RARA: variants seen among roughly 807,000 people sequenced by gnomAD.
RARA encodes the protein PML-DDX5-RARA fusion.
In RARA, 5 loss-of-function variants were observed where a neutral mutation model predicts 42.8. That is an observed-to-expected ratio of 0.12 (90% CI 0.06 to 0.25). The LOEUF (loss-of-function observed/expected upper bound fraction) is 0.25, where lower values mean the gene tolerates loss of function less well. RARA is among the 10% of genes least tolerant of loss of function. The pLI, the probability that RARA is intolerant of heterozygous loss-of-function variation, is 1.00. For synonymous variants in RARA, 256 were observed against 259.5 expected (o/e 0.99, Z 0.13); for missense variants, 402 against 628.7 (o/e 0.64, Z 3.86).
Position 40,325,058 on chromosome 17 carries a change from C to T in RARA, c.-362-5799C>T, listed in dbSNP as rs573315337. 7.9e-5 allele frequency among the ~76,000 whole-genome samples: 12 copies of T among 152,164 alleles called. No homozygotes were observed. In the South Asian group the frequency reaches 2.5e-3, roughly 32 times the overall value. On this transcript the variant is annotated intron_variant, in intron 1 of 8. Coordinates refer to ENST00000254066, the MANE Select transcript of RARA (RefSeq NM_000964.4). ...ACCGTGTCAGGAGTTTGAGACCAGC[C>T]TGGTGAACATGGTGAAACCCCATCT... is the stretch of plus-strand genomic sequence containing the variant.
At chr17:40,327,309 C>A (rs991050078) in intron 1 of RARA, among the ~76,000 whole-genome samples, 1 of 152,224 alleles carries the variant, frequency 6.6e-6, no homozygotes, top group Non-Finnish European at 1.5e-5. Context: ...GGAGTGATGG[C>A]TTTCTGGGCC....
At chr17:40,324,026 A>T (rs1166424839) in intron 1 of RARA, among the ~76,000 whole-genome samples, 1 of 151,910 alleles carries the variant, frequency 6.6e-6, no homozygotes, top group African/African-American at 2.4e-5. Flanking sequence ...CCCTGCCTGT[A>T]TCTCTGTAAG....
rs938462875 is a variant in RARA at position 40,357,156 on chromosome 17, G to C, written c.*930G>C. 1 of 238,542 alleles carries C rather than the reference G, an allele frequency of 4.2e-6. No individual in the cohort carries two copies. The highest frequency in any genetic ancestry group is 2.2e-5 in the African/African-American group (1 of 45,340). The allele number at this position is 238,542 out of a possible 1,614,324, so 14.8% of individuals were successfully genotyped here. On this transcript the variant is annotated 3_prime_UTR_variant, in exon 9 of 9. Coordinates refer to ENST00000254066, the MANE Select transcript of RARA (RefSeq NM_000964.4). ...GAGCAGGGCAGAGCAAGGGCCCCGG[G>C]ACAGAGTTTTCCCAGACCTGGCTCC... is the stretch of plus-strand genomic sequence containing the variant.
intron 2 of RARA, among the ~76,000 whole-genome samples, chr17:40,337,275 A>C (rs1206795486): frequency 6.6e-6 from 1 of 152,146 alleles, no homozygotes; most frequent in Non-Finnish European, 1.5e-5. Context: ...TGGGTGTGGG[A>C]AGTGTGGGGG....
Position 40,315,890 on chromosome 17 carries a change from T to TA in RARA, c.-363+6605dup, listed in dbSNP as rs897794269. ...AGTAGGCCCCAAGGAGTGTCCTTCT[T>TA]AGAGTGAGGCGCCCCGAGCCTGTGG... is the stretch of plus-strand genomic sequence containing the variant. On this transcript the variant is annotated intron_variant, in intron 1 of 8. Coordinates refer to ENST00000254066, the MANE Select transcript of RARA (RefSeq NM_000964.4). 1.2e-4 allele frequency among the ~76,000 whole-genome samples: 18 copies of TA among 152,278 alleles called. No individual in the cohort carries two copies. The East Asian group carries it at 3.5e-3, about 29-fold the overall frequency.
At position 40,351,991 on chromosome 17, in the gene RARA, TG is replaced by T; in HGVS notation, c.556del (p.Glu186SerfsTer84). ...CSESYTLTPE[V>X]GELIEKVRKA... ...GAGAGCTACACGCTGACGCCGGAGG[TG>T]GGGGAGCTCATTGAGAAGGTGCGCA... On this transcript the variant is annotated frameshift_variant, in exon 5 of 9. Coordinates refer to ENST00000254066, the MANE Select transcript of RARA (RefSeq NM_000964.4). LOFTEE classifies it high-confidence loss of function. The surrounding 1 kb of genome is among the most constrained non-coding windows in gnomAD (Gnocchi z 4.1). 1 of 1,603,454 alleles carries T rather than the reference TG, an allele frequency of 6.2e-7. No homozygotes were observed. The highest frequency in any genetic ancestry group is 8.5e-7 in the Non-Finnish European group (1 of 1,176,790).
chr17:40,333,467 T>G (rs1337500973), intron 2 of RARA, among the ~76,000 whole-genome samples: 2 of 151,722 alleles, frequency 1.3e-5, no homozygotes, highest in African/African-American at 2.4e-5. Context: ...CGAGTAGCTG[T>G]GATTACAGGT....
chr17:40,356,328 T>A lies in RARA; in HGVS notation c.*102T>A. 2.4e-6 allele frequency: 3 copies of A among 1,267,618 alleles called. No individual in the cohort carries two copies. The highest frequency in any genetic ancestry group is 3.3e-6 in the Non-Finnish European group (3 of 898,772). The allele number at this position is 1,267,618 out of a possible 1,614,324, so 78.5% of individuals were successfully genotyped here. ...GCACCAGCCCTGCCCCCACCTGCCCTCCCGGGCAGTACTGGGGACCTTCCC... is the reference window on the plus strand; with the variant it reads ...GCACCAGCCCTGCCCCCACCTGCCCACCCGGGCAGTACTGGGGACCTTCCC... On this transcript the variant is annotated 3_prime_UTR_variant, in exon 9 of 9. Coordinates refer to ENST00000254066, the MANE Select transcript of RARA (RefSeq NM_000964.4).
At chr17:40,336,005 C>G (rs776607242) in intron 2 of RARA, among the ~76,000 whole-genome samples, 1 of 152,160 alleles carries the variant, frequency 6.6e-6, no homozygotes, top group Non-Finnish European at 1.5e-5. Context: ...GACCCTGTCT[C>G]AAAAACAACA....
chr17:40,319,920 G>T (rs747028371), intron 1 of RARA, among the ~76,000 whole-genome samples: 12 of 152,164 alleles, frequency 7.9e-5, no homozygotes, highest in Non-Finnish European at 1.6e-4. Context: ...ATAAGAGGGG[G>T]TGGTTGTGGA....
intron 2 of RARA, among the ~76,000 whole-genome samples, chr17:40,333,112 C>T (rs560055689): frequency 9.5e-4 from 145 of 152,046 alleles, no homozygotes; most frequent in African/African-American, 3.3e-3. Flanking sequence ...TGCAGTGGTG[C>T]GATCTCGGCT....
chr17:40,354,220 A>G lies in RARA; in HGVS notation c.808-82A>G, dbSNP rs1277708389. On this transcript the variant is annotated intron_variant, in intron 6 of 8. Coordinates refer to ENST00000254066, the MANE Select transcript of RARA (RefSeq NM_000964.4). This position sits in a 1 kb window ranked among gnomAD's most constrained non-coding sequence, Gnocchi z 4.5. ...GCCACCTGCCAGGTGGTCCTCCGGG[A>G]GTGCTGGTGCGGAGTGCTGGTGCCG... The G allele has an allele frequency of 1.5e-6, 2 of 1,336,952 alleles. No homozygotes were observed. The highest frequency in any genetic ancestry group is 4.8e-5 in the East Asian group (2 of 41,474). 82.8% of individuals were successfully genotyped at this position (1,336,952 alleles called of 1,614,324 possible). A position where few individuals can be genotyped will look rare whatever the true frequency, so the allele number is the denominator to read the frequency against.
At chr17:40,340,996 A>G in intron 2 of RARA, 1 of 400,378 alleles carries the variant, frequency 2.5e-6, no homozygotes, top group Non-Finnish European at 4.4e-6. Context: ...CAACATATAT[A>G]AAGAGCCAGG....
intron 2 of RARA, among the ~76,000 whole-genome samples, chr17:40,335,492 C>T (rs1268183922): frequency 6.6e-6 from 1 of 151,922 alleles, no homozygotes; most frequent in East Asian, 1.9e-4. Context: ...GAGTTTGAGA[C>T]CAGCCTGGCC....
At chr17:40,309,800 G>A (rs76584199) in intron 1 of RARA, among the ~76,000 whole-genome samples, 10,858 of 152,268 alleles carry the variant, frequency 0.071, 514 homozygotes, top group East Asian at 0.12. Context: ...ACACTTGGGT[G>A]GCTAAAGGCT....
intron 1 of RARA, among the ~76,000 whole-genome samples, chr17:40,316,493 G>A (rs909748816): frequency 2.0e-5 from 3 of 152,216 alleles, no homozygotes; most frequent in African/African-American, 7.2e-5. Flanking sequence ...GTCCCACTTG[G>A]GAGGCAGTGT....
At chr17:40,343,828 G>A (rs1172485722) in intron 2 of RARA, among the ~76,000 whole-genome samples, 2 of 152,198 alleles carry the variant, frequency 1.3e-5, no homozygotes, top group Non-Finnish European at 2.9e-5. Context: ...CCCTGCCTGG[G>A]TGCAGGCTCC....
chr17:40,322,935 T>A (rs1028483179), intron 1 of RARA: 1 of 151,958 alleles, frequency 6.6e-6, no homozygotes, highest in South Asian at 2.1e-4. Context: ...AGAAAAAAAA[T>A]GTCTTCCTGT....
At chr17:40,340,130 C>T (rs1047995629) in intron 2 of RARA, among the ~76,000 whole-genome samples, 6 of 151,584 alleles carry the variant, frequency 4.0e-5, no homozygotes, top group Admixed American at 1.3e-4. Flanking sequence ...CACCCCCCCA[C>T]GTTATTTGTA....
Sources: allele counts gnomAD v4.1 joint callset (sites outside exome capture counted in the v4.1 genomes callset), GRCh38; gene constraint gnomAD v4.1.1; non-coding constraint Gnocchi (gnomAD v3.1); transcripts MANE v1.5; gene names NCBI Gene and HGNC (gene_info 2026-07-23, HGNC 2026-07-21).